D2HGDH: variants seen among roughly 807,000 people sequenced by gnomAD.
The protein encoded by D2HGDH is D-2-hydroxyglutarate dehydrogenase, also known as D-2-hydroxyglutarate dehydrogenase, mitochondrial.
A neutral mutation model predicts 46.9 loss-of-function variants in D2HGDH; 31 were observed. The observed-to-expected ratio is 0.66, with a 90% CI of 0.50 to 0.89. The LOEUF (loss-of-function observed/expected upper bound fraction) is 0.89, where lower values mean the gene tolerates loss of function less well. Ranked by LOEUF, D2HGDH falls within the 40% of genes least tolerant of loss-of-function variation. D2HGDH has a pLI of 0.00. For synonymous variants in D2HGDH, 364 were observed against 332.6 expected (o/e 1.09, Z -1.03); for missense variants, 698 against 720.8 (o/e 0.97, Z 0.36).
chr2:241,750,337 T>G (rs758172973), intron 7 of D2HGDH, 43 bp downstream of exon 7: 2 of 1,574,558 alleles, frequency 1.3e-6, no homozygotes, highest in Non-Finnish European at 1.7e-6. Context: ...CTGCAGCTCC[T>G]TCTGCACGTC....
rs532537820 is a variant in D2HGDH, at chr2:241,756,341, G to A, written c.1306+327G>A. 1.2e-4 allele frequency among the ~76,000 whole-genome samples: 18 copies of A among 152,324 alleles called. No individual in the cohort carries two copies. The East Asian group carries it at 2.7e-3, about 23-fold the overall frequency. ...GCCTTAACCCCGGAGTCCGGGATGC[G>A]GGTCTCAGGGGCTCCTCTCACAGGG... On this transcript the variant is annotated intron_variant, in intron 9 of 9. Transcript: ENST00000321264.
Position 241,755,185 on chromosome 2 carries a change from C to T in D2HGDH, c.1141-664C>T, listed in dbSNP as rs754553637. 2.5e-5 allele frequency: 33 copies of T among 1,299,782 alleles called. No homozygotes were observed. In the African/African-American group the frequency reaches 2.6e-4, roughly 10 times the overall value. The allele number at this position is 1,299,782 out of a possible 1,614,324, so 80.5% of individuals were successfully genotyped here. ...TCAGAATCCTTCCTCCCCCGTGGCC[C>T]GCCCGCCGTGTCCCTCCTCCTCCAC... is the stretch of plus-strand genomic sequence containing the variant. On this transcript the variant is annotated intron_variant, in intron 8 of 9. Coordinates refer to ENST00000321264, the MANE Select transcript of D2HGDH (RefSeq NM_152783.5).
chr2:241,750,724 G>A (rs1280267975), intron 7 of D2HGDH, among the ~76,000 whole-genome samples: 1 of 152,154 alleles, frequency 6.6e-6, no homozygotes, highest in Admixed American at 6.5e-5. Flanking sequence ...GGCCCAGGCT[G>A]GAGTGCAATG....
Position 241,764,385 on chromosome 2 carries a change from G to T in D2HGDH, c.1307-3325G>T, listed in dbSNP as rs1691683224. On this transcript the variant is annotated intron_variant, in intron 9 of 9. Coordinates refer to ENST00000321264, the MANE Select transcript of D2HGDH (RefSeq NM_152783.5). ...GACGTGCATGTTTCACGTCTACTTG[G>T]GAGTGGCCAGGGAATGAGTGATTCT... Among the ~76,000 whole-genome samples, 3 of 152,248 alleles carry T rather than the reference G, an allele frequency of 2.0e-5. No homozygotes were observed. The South Asian group carries it at 6.2e-4, about 32-fold the overall frequency.
chr2:241,759,247 T>C (rs1192252654), intron 9 of D2HGDH, among the ~76,000 whole-genome samples: 3 of 152,196 alleles, frequency 2.0e-5, no homozygotes, highest in Non-Finnish European at 4.4e-5. Context: ...TACATCCTGC[T>C]GACCTGCCAC....
intron 2 of D2HGDH, among the ~76,000 whole-genome samples, chr2:241,740,059 C>G (rs1055423616): frequency 6.6e-6 from 1 of 152,148 alleles, no homozygotes; most frequent in African/African-American, 2.4e-5. Flanking sequence ...GCAGGAGGAT[C>G]GCTTGAGCTC....
chr2:241,764,902 C>G (rs923866480), intron 9 of D2HGDH, among the ~76,000 whole-genome samples: 2 of 152,248 alleles, frequency 1.3e-5, no homozygotes, highest in African/African-American at 4.8e-5. Flanking sequence ...AGCCTCTTCT[C>G]TGAGCCGTCG....
intron 6 of D2HGDH, among the ~76,000 whole-genome samples, chr2:241,748,164 A>C (rs34647532): frequency 0.55 from 83,549 of 151,818 alleles, 24,772 homozygotes; most frequent in African/African-American, 0.79. Context: ...TCTTGTCACC[A>C]AGGCTGGAGT....
intron 9 of D2HGDH, among the ~76,000 whole-genome samples, chr2:241,756,334 G>A (rs1276050246): frequency 2.6e-5 from 4 of 152,356 alleles, no homozygotes; most frequent in East Asian, 1.9e-4. Context: ...CCCGGAGTCC[G>A]GGATGCGGGT....
intron 9 of D2HGDH, among the ~76,000 whole-genome samples, chr2:241,763,695 G>A (rs931954187): frequency 2.0e-5 from 3 of 152,076 alleles, no homozygotes; most frequent in African/African-American, 4.8e-5. Context: ...TCTGTGGTCC[G>A]GGGTTGGGTG....
chr2:241,763,063 C>T (rs539577066), intron 9 of D2HGDH, among the ~76,000 whole-genome samples: 13 of 152,252 alleles, frequency 8.5e-5, no homozygotes, highest in Non-Finnish European at 1.5e-4. Context: ...CCTGGGGCCC[C>T]GCCCGGAACC....
At chr2:241,758,629 G>GC (rs1383574534) in intron 9 of D2HGDH, among the ~76,000 whole-genome samples, 2 of 152,038 alleles carry the variant, frequency 1.3e-5, no homozygotes, top group African/African-American at 2.4e-5. Flanking sequence ...TTTTTTTGTA[G>GC]GCCCGGTGCA....
chr2:241,759,389 C>T (rs75445151), intron 9 of D2HGDH, among the ~76,000 whole-genome samples: 3,510 of 152,316 alleles, frequency 0.023, 255 homozygotes, highest in East Asian at 0.18. Flanking sequence ...GAAACTGAAT[C>T]TCCTAACGCG....
At chr2:241,759,577 C>T (rs763579511) in intron 9 of D2HGDH, among the ~76,000 whole-genome samples, 1 of 152,180 alleles carries the variant, frequency 6.6e-6, no homozygotes, top group Non-Finnish European at 1.5e-5. Flanking sequence ...CGCCCCCGGA[C>T]AGGTTTCTTG....
At chr2:241,753,357 G>A (rs1697607010) in intron 8 of D2HGDH, among the ~76,000 whole-genome samples, 1 of 151,958 alleles carries the variant, frequency 6.6e-6, no homozygotes, top group Non-Finnish European at 1.5e-5. Context: ...CTGTTGTCCG[G>A]TGTTGGCGAG....
At chr2:241,745,410 T>G (rs1695604466) in intron 6 of D2HGDH, among the ~76,000 whole-genome samples, 1 of 152,190 alleles carries the variant, frequency 6.6e-6, no homozygotes, top group African/African-American at 2.4e-5. Context: ...TTCATTTGAA[T>G]CGGGCGGGTT....
At chr2:241,760,683 C>T (rs1466957971) in intron 9 of D2HGDH, among the ~76,000 whole-genome samples, 1 of 151,980 alleles carries the variant, frequency 6.6e-6, no homozygotes, top group Non-Finnish European at 1.5e-5. Flanking sequence ...AGGACTTCGA[C>T]ACAGCGTGGG....
At position 241,735,152 on chromosome 2, in the gene D2HGDH, C is replaced by T. The variant is rs1575160858; in HGVS notation, c.-73C>T. ...TTCCAGGCGCGCAGCCAGCGGCTCC[C>T]TGCCCTTCCCCTCCGGGCCCTGAGT... On this transcript the variant is annotated 5_prime_UTR_variant, in exon 2 of 10. Coordinates refer to ENST00000321264, the MANE Select transcript of D2HGDH (RefSeq NM_152783.5). The T allele has an allele frequency of 2.1e-6, 3 of 1,410,422 alleles. No individual in the cohort carries two copies. The East Asian group carries it at 8.4e-5, about 39-fold the overall frequency. 87.4% of individuals were successfully genotyped at this position (1,410,422 alleles called of 1,614,324 possible). A position where few individuals can be genotyped will look rare whatever the true frequency, so the allele number is the denominator to read the frequency against.
chr2:241,764,248 G>A (rs1699084864), intron 9 of D2HGDH, among the ~76,000 whole-genome samples: 1 of 152,204 alleles, frequency 6.6e-6, no homozygotes, highest in African/African-American at 2.4e-5. Context: ...CCTGCCTGGG[G>A]TTTGTTCTCG....
Sources: allele counts gnomAD v4.1 joint callset (sites outside exome capture counted in the v4.1 genomes callset), GRCh38; gene constraint gnomAD v4.1.1; transcripts MANE v1.5; gene names NCBI Gene and HGNC (gene_info 2026-07-23, HGNC 2026-07-21).